The following IMMP2L variants were observed in gnomAD, a reference collection of about 807,000 sequenced individuals.
IMMP2L encodes the protein mitochondrial inner membrane protease subunit 2.
IMMP2L carries 18 observed loss-of-function variants against 19.3 expected under a neutral mutation model. The observed-to-expected ratio is 0.93, with a 90% confidence interval of 0.64 to 1.38. The LOEUF (loss-of-function observed/expected upper bound fraction) is 1.38, where lower values mean the gene tolerates loss of function less well. Among genes scored for constraint, IMMP2L ranks in the 40% most tolerant of loss-of-function variants. The pLI is 0.00. For synonymous variants in IMMP2L, 76 were observed against 73.0 expected (o/e 1.04, Z -0.21); for missense variants, 233 against 218.2 (o/e 1.07, Z -0.43).
At chr7:110,850,588 C>G in intron 5 of IMMP2L, among the ~76,000 whole-genome samples, 1 of 152,072 alleles carries the variant, frequency 6.6e-6, no homozygotes, top group Non-Finnish European at 1.5e-5. Flanking sequence ...TCTAATACCA[C>G]TGGCTCGCCC....
chr7:110,836,509 G>A (rs1334082085), intron 5 of IMMP2L, among the ~76,000 whole-genome samples: 1 of 152,104 alleles, frequency 6.6e-6, no homozygotes, highest in Non-Finnish European at 1.5e-5. Context: ...CTTGCCTGCT[G>A]CCATGTGAGA....
chr7:111,318,809 C>G (rs1385770972), intron 3 of IMMP2L, among the ~76,000 whole-genome samples: 1 of 152,000 alleles, frequency 6.6e-6, no homozygotes, highest in East Asian at 1.9e-4. Context: ...TTGGTATTAT[C>G]TATATTTCAA....
At chr7:111,334,668 T>C (rs1441236186) in intron 3 of IMMP2L, among the ~76,000 whole-genome samples, 1 of 152,162 alleles carries the variant, frequency 6.6e-6, no homozygotes, top group Admixed American at 6.6e-5. Flanking sequence ...AGGTATGCTC[T>C]AGGTTCTCAT....
At chr7:110,669,052 CGTGTGTGTGTGTGTGTGT>C (rs1165734674) in intron 5 of IMMP2L, among the ~76,000 whole-genome samples, 18 of 65,272 alleles carry the variant, frequency 2.8e-4, no homozygotes, top group African/African-American at 9.0e-4. Flanking sequence ...TGTGTGTGTG[CGTGTGTGTGTGTGTGTGT>C]GTGTGTGTGT....
intron 5 of IMMP2L, among the ~76,000 whole-genome samples, chr7:110,666,441 A>AT (rs1343581596): frequency 6.6e-6 from 1 of 151,832 alleles, no homozygotes; most frequent in Non-Finnish European, 1.5e-5. Context: ...TGCCCGGCTA[A>AT]TTTTTTGTAT....
At chr7:110,741,580 G>T (rs533265918) in intron 5 of IMMP2L, among the ~76,000 whole-genome samples, 1 of 152,278 alleles carries the variant, frequency 6.6e-6, no homozygotes, top group African/African-American at 2.4e-5. Flanking sequence ...GAATCTGTTG[G>T]TGCCATGATC....
At chr7:111,542,883 T>C (rs141449104) in intron 1 of IMMP2L, among the ~76,000 whole-genome samples, 58 of 152,250 alleles carry the variant, frequency 3.8e-4, no homozygotes, top group African/African-American at 1.2e-3. Context: ...GCACTCTCAA[T>C]TGCCTCTTAG....
At chr7:111,048,238 CAAAAA>C (rs575701337) in intron 3 of IMMP2L, among the ~76,000 whole-genome samples, 13 of 18,340 alleles carry the variant, frequency 7.1e-4, no homozygotes, top group African/African-American at 1.2e-3. Flanking sequence ...GACTCTGTCT[CAAAAA>C]AAAAAAAAAA....
chr7:111,055,363 G>A (rs886545459), intron 3 of IMMP2L, among the ~76,000 whole-genome samples: 6 of 152,166 alleles, frequency 3.9e-5, no homozygotes, highest in Non-Finnish European at 8.8e-5. Context: ...GTTTCTGAAC[G>A]TGGTTCTACA....
chr7:111,218,913 C>G (rs959572376), intron 3 of IMMP2L, among the ~76,000 whole-genome samples: 1 of 151,910 alleles, frequency 6.6e-6, no homozygotes, highest in African/African-American at 2.4e-5. Context: ...ATAATAAATA[C>G]TTTTCTTAAA....
intron 5 of IMMP2L, among the ~76,000 whole-genome samples, chr7:110,668,356 A>C (rs1791602289): frequency 6.6e-6 from 1 of 152,216 alleles, no homozygotes; most frequent in South Asian, 2.1e-4. Context: ...TTTTGTTCTT[A>C]TCTGAGCTCA....
chr7:111,100,788 C>G (rs1186651161), intron 3 of IMMP2L, among the ~76,000 whole-genome samples: 1 of 151,284 alleles, frequency 6.6e-6, no homozygotes, highest in African/African-American at 2.4e-5. Flanking sequence ...CATCTAAGAT[C>G]TTTATCATTT....
chr7:111,039,373 A>G (rs1275016005), intron 3 of IMMP2L, among the ~76,000 whole-genome samples: 1 of 152,230 alleles, frequency 6.6e-6, no homozygotes. Context: ...TAAAAACAGA[A>G]TATATGTTTC....
intron 3 of IMMP2L, among the ~76,000 whole-genome samples, chr7:111,007,644 G>A (rs1225659608): frequency 6.6e-6 from 1 of 151,848 alleles, no homozygotes; most frequent in Non-Finnish European, 1.5e-5. Context: ...GAATACCACT[G>A]ACGTGTACGT....
intron 5 of IMMP2L, among the ~76,000 whole-genome samples, chr7:110,677,436 T>C (rs1792393069): frequency 6.6e-6 from 1 of 152,166 alleles, no homozygotes. Context: ...TACAGGAGAC[T>C]AGGTTCGTAC....
chr7:110,775,727 T>A (rs548878815), intron 5 of IMMP2L, among the ~76,000 whole-genome samples: 1 of 152,024 alleles, frequency 6.6e-6, no homozygotes, highest in African/African-American at 2.4e-5. Context: ...TCTTCTTTAC[T>A]TGGAGAACAA....
At chr7:111,304,670 ATGTGTGTGTGTGTGTGTGTG>A (rs147788856) in intron 3 of IMMP2L, among the ~76,000 whole-genome samples, 2 of 126,056 alleles carry the variant, frequency 1.6e-5, no homozygotes, top group African/African-American at 2.9e-5. Context: ...CACATATATA[ATGTGTGTGTGTGTGTGTGTG>A]TGTGTGTGTG....
intron 3 of IMMP2L, among the ~76,000 whole-genome samples, chr7:111,444,795 T>A (rs567383011): frequency 6.6e-6 from 1 of 152,164 alleles, no homozygotes; most frequent in East Asian, 1.9e-4. Flanking sequence ...GAACAGAAAC[T>A]ATATGGCATA....
intron 3 of IMMP2L, among the ~76,000 whole-genome samples, chr7:111,420,793 A>G (rs1405877622): frequency 6.6e-6 from 1 of 151,700 alleles, no homozygotes; most frequent in African/African-American, 2.4e-5. Context: ...CATTTTCTTA[A>G]TCCAGTCTAT....
Sources: allele counts gnomAD v4.1 joint callset (sites outside exome capture counted in the v4.1 genomes callset), GRCh38; gene constraint gnomAD v4.1.1; transcripts MANE v1.5; gene names NCBI Gene and HGNC (gene_info 2026-07-23, HGNC 2026-07-21).